DOK5: variants seen among roughly 807,000 people sequenced by gnomAD.
DOK5 encodes downstream of tyrosine kinase 5.
DOK5 carries 27 observed loss-of-function variants against 43.3 expected under a neutral mutation model. The observed-to-expected ratio is 0.62, with a 90% CI of 0.46 to 0.86. DOK5 has a LOEUF of 0.86. Ranked by LOEUF, DOK5 falls within the 40% of genes least tolerant of loss-of-function variation. The pLI, the probability that DOK5 is intolerant of heterozygous loss-of-function variation, is 0.00. For synonymous variants in DOK5, 146 were observed against 140.1 expected (o/e 1.04, Z -0.30); for missense variants, 373 against 392.9 (o/e 0.95, Z 0.43).
chr20:54,500,605 G>A (rs1274897023), intron 1 of DOK5, among the ~76,000 whole-genome samples: 10 of 139,150 alleles, frequency 7.2e-5, no homozygotes, highest in Non-Finnish European at 1.5e-4. Context: ...CTTGTTGCCC[G>A]GGCTGGAGTA....
At chr20:54,647,981 A>G (rs1425534428) in intron 7 of DOK5, among the ~76,000 whole-genome samples, 4 of 152,018 alleles carry the variant, frequency 2.6e-5, no homozygotes, top group African/African-American at 9.7e-5. Flanking sequence ...TCTAAAAGCT[A>G]CTCTTTCTGA....
intron 7 of DOK5, among the ~76,000 whole-genome samples, chr20:54,649,507 G>A (rs1480618956): frequency 6.6e-6 from 1 of 152,226 alleles, no homozygotes; most frequent in East Asian, 1.9e-4. Context: ...TGTTTCTTGT[G>A]CCTGCTTGAT....
intron 7 of DOK5, among the ~76,000 whole-genome samples, chr20:54,647,621 G>C (rs961644815): frequency 1.3e-5 from 2 of 151,948 alleles, no homozygotes; most frequent in Admixed American, 6.6e-5. Context: ...TAAAATAACA[G>C]CAGTTACATC....
intron 6 of DOK5, among the ~76,000 whole-genome samples, chr20:54,638,759 T>C (rs998091727): frequency 2.7e-5 from 4 of 148,156 alleles, no homozygotes; most frequent in Non-Finnish European, 4.5e-5. Context: ...TTTCTTTTTT[T>C]TTTTTTTTTT....
chr20:54,533,941 C>A (rs1478942939), intron 1 of DOK5, among the ~76,000 whole-genome samples: 1 of 152,010 alleles, frequency 6.6e-6, no homozygotes, highest in African/African-American at 2.4e-5. Flanking sequence ...TAGACAGCAA[C>A]CATACTATAA....
chr20:54,498,354 C>T (rs1239359372), intron 1 of DOK5, among the ~76,000 whole-genome samples: 1 of 152,160 alleles, frequency 6.6e-6, no homozygotes, highest in Non-Finnish European at 1.5e-5. Context: ...CTCCCATTGT[C>T]ATAAATTAGA....
chr20:54,486,905 GA>G (rs1981956064), intron 1 of DOK5, among the ~76,000 whole-genome samples: 1 of 152,078 alleles, frequency 6.6e-6, no homozygotes, highest in Admixed American at 6.5e-5. Context: ...GGCCTTGGTG[GA>G]AATTAATTCA....
chr20:54,592,035 G>A (rs936075015), intron 5 of DOK5, among the ~76,000 whole-genome samples: 1 of 152,128 alleles, frequency 6.6e-6, no homozygotes, highest in Non-Finnish European at 1.5e-5. Context: ...CACACACATG[G>A]TACAAATTTT....
intron 5 of DOK5, among the ~76,000 whole-genome samples, chr20:54,593,781 G>A (rs56371506): frequency 0.047 from 7,194 of 152,268 alleles, 593 homozygotes; most frequent in African/African-American, 0.16. Context: ...TAAAGAAAAT[G>A]TAGTACATAT....
At chr20:54,480,621 C>T (rs752675644) in intron 1 of DOK5, among the ~76,000 whole-genome samples, 41 of 152,320 alleles carry the variant, frequency 2.7e-4, no homozygotes, top group Non-Finnish European at 4.1e-4. Flanking sequence ...TTTCACTTTA[C>T]AGACTTGCCC....
At chr20:54,597,782 C>T (rs899949433) in intron 5 of DOK5, among the ~76,000 whole-genome samples, 2 of 152,194 alleles carry the variant, frequency 1.3e-5, no homozygotes, top group Non-Finnish European at 1.5e-5. Flanking sequence ...GAAGGCTCAC[C>T]TTCTACTGGA....
At chr20:54,621,882 G>A (rs879884922) in intron 6 of DOK5, among the ~76,000 whole-genome samples, 3 of 151,766 alleles carry the variant, frequency 2.0e-5, no homozygotes, top group Non-Finnish European at 2.9e-5. Flanking sequence ...ACTTACTCAT[G>A]AATTCTTTAG....
intron 1 of DOK5, among the ~76,000 whole-genome samples, chr20:54,492,335 A>G (rs1982214456): frequency 6.6e-6 from 1 of 152,204 alleles, no homozygotes; most frequent in African/African-American, 2.4e-5. Context: ...TTCATATTAT[A>G]CAATCCTATT....
Position 54,610,373 on chromosome 20 carries a change from T to C in DOK5, c.600-15T>C. ...CGCTGGATTTTCAGAAGCTGTTTTG[T>C]TTTTGTTTTCACAGGATGTGTGAGA... On this transcript the variant is annotated splice_polypyrimidine_tract_variant and intron_variant, in intron 5 of 7. Coordinates refer to ENST00000262593, the MANE Select transcript of DOK5 (RefSeq NM_018431.5). 1.3e-6 allele frequency: 2 copies of C among 1,501,072 alleles called. No homozygotes were observed. The highest frequency in any genetic ancestry group is 1.8e-6 in the Non-Finnish European group (2 of 1,122,940). 93.0% of individuals were successfully genotyped at this position (1,501,072 alleles called of 1,614,324 possible).
chr20:54,604,770 G>A (rs996735772), intron 5 of DOK5, among the ~76,000 whole-genome samples: 1 of 152,118 alleles, frequency 6.6e-6, no homozygotes, highest in Admixed American at 6.6e-5. Flanking sequence ...GGAGGCTGAG[G>A]TGGATGGATC....
intron 5 of DOK5, among the ~76,000 whole-genome samples, chr20:54,593,791 T>C (rs1329032377): frequency 1.3e-5 from 2 of 152,180 alleles, no homozygotes; most frequent in Non-Finnish European, 2.9e-5. Flanking sequence ...GTAGTACATA[T>C]ATACCATGGA....
At chr20:54,551,548 G>T (rs1208365464) in intron 1 of DOK5, among the ~76,000 whole-genome samples, 5 of 151,954 alleles carry the variant, frequency 3.3e-5, no homozygotes, top group Admixed American at 2.0e-4. Context: ...TTAATATTTA[G>T]GTCTATTTTA....
At chr20:54,522,572 T>C (rs1276072054) in intron 1 of DOK5, among the ~76,000 whole-genome samples, 1 of 150,060 alleles carries the variant, frequency 6.7e-6, no homozygotes, top group Non-Finnish European at 1.5e-5. Flanking sequence ...CAGGCTGGAG[T>C]GCAGTGGTGT....
At chr20:54,539,253 T>C (rs1224042043) in intron 1 of DOK5, among the ~76,000 whole-genome samples, 2 of 121,032 alleles carry the variant, frequency 1.7e-5, no homozygotes, top group Non-Finnish European at 3.2e-5. Flanking sequence ...CACTCCAGCC[T>C]GGGCAACAGA....
Sources: allele counts gnomAD v4.1 joint callset (sites outside exome capture counted in the v4.1 genomes callset), GRCh38; gene constraint gnomAD v4.1.1; transcripts MANE v1.5; gene names NCBI Gene and HGNC (gene_info 2026-07-23, HGNC 2026-07-21).